CFAP57: variants seen among roughly 807,000 people sequenced by gnomAD.
The protein encoded by CFAP57 is cilia and flagella associated protein 57.
In CFAP57, 116 loss-of-function variants were observed where a neutral mutation model predicts 146.8. The observed-to-expected ratio is 0.79, with a 90% CI of 0.68 to 0.92. The LOEUF is 0.92. CFAP57 is among the 40% of genes least tolerant of loss of function. CFAP57 has a pLI of 0.00. For synonymous variants in CFAP57, 518 were observed against 552.8 expected, an observed-to-expected ratio of 0.94 and a Z score of 0.88; for missense variants, 1,377 against 1,527.2, an observed-to-expected ratio of 0.90 and a Z score of 1.64.
Position 43,253,986 on chromosome 1 carries a change from G to C in CFAP57, c.3548G>C (p.Arg1183Thr), listed in dbSNP as rs1325285681. The change falls in exon 23 of 23, where the codon AGG becomes ACG. Residue 1183 changes from arginine (R) to threonine (T), a missense_variant. Transcript: ENST00000372492. ...CTGTTGTCTCTTACAGAACCCAGCAGGGACATGCTCAGCACAGCTCCCACC... is the reference window on the plus strand; with the variant it reads ...CTGTTGTCTCTTACAGAACCCAGCACGGACATGCTCAGCACAGCTCCCACC... ...PQEVSETEPS[R>T]DMLSTAPTAR... The C allele has an allele frequency of 2.6e-6, 4 of 1,550,572 alleles. No individual in the cohort carries two copies.
In CFAP57 at chr1:43,201,231, A is replaced by G. The variant is rs146950680; in HGVS notation, c.1542+1728A>G. Among the ~76,000 whole-genome samples the G allele has an allele frequency of 1.3e-5, 2 of 152,302 alleles. No individual in the cohort carries two copies. The highest frequency in any genetic ancestry group is 2.4e-5 in the African/African-American group (1 of 41,556). ...ATTGGACAGCAGAGGGAAGACCAAC[A>G]TTTAAGAGACTGGTGAAAGAAGAGG... On this transcript the variant is annotated intron_variant, in intron 9 of 22. Coordinates refer to ENST00000372492, the MANE Select transcript of CFAP57 (RefSeq NM_001378189.1). The surrounding 1 kb of genome is among the most constrained non-coding windows in gnomAD (Gnocchi z 4.4).
Position 43,181,850 on chromosome 1 carries a change from G to A in CFAP57, c.474G>A (p.Gln158=). ...ACACTCAGAACAACCCTGTCTACCA[G>A]GTACCTAGTAGTGTGACAAGTATCG... ...RIDTQNNPVY[Q]VSFSPQDNTQ... is the part of the protein sequence containing the mutation. Residue 158 remains glutamine, a splice_region_variant and synonymous_variant, in exon 3 of 23, where the codon CAG becomes CAA. Transcript: ENST00000372492. The A allele has an allele frequency of 3.7e-6, 6 of 1,614,046 alleles. No homozygotes were observed. Among genetic ancestry groups the A allele is most frequent in the Non-Finnish European group, 5.1e-6 (6 of 1,179,970 alleles).
chr1:43,206,561 C>T (rs960355126), intron 9 of CFAP57, among the ~76,000 whole-genome samples, 159 bp from the exon 10 acceptor site: 3 of 150,720 alleles, frequency 2.0e-5, no homozygotes, highest in African/African-American at 4.9e-5. Flanking sequence ...AGAATGTGAA[C>T]GTTCACAAGA....
rs1408857534 is a variant in CFAP57, at chr1:43,197,635, C to T, written c.1205C>T (p.Pro402Leu). The T allele has an allele frequency of 4.3e-6, 7 of 1,614,130 alleles. No individual in the cohort carries two copies. The highest frequency in any genetic ancestry group is 1.6e-4 in the Middle Eastern group (1 of 6,062). The change falls in exon 7 of 23, where the codon CCC becomes CTC. Residue 402 changes from proline to leucine, a missense_variant. Transcript: ENST00000372492. ...ITGLATCIRK[P>L]LIATCSLDRS... ...GGTCTAGCTACCTGCATCCGCAAAC[C>T]CCTTATAGCCACCTGTTCTCTGGAT...
chr1:43,187,208 C>G (rs1180558934), intron 6 of CFAP57, among the ~76,000 whole-genome samples: 1 of 152,058 alleles, frequency 6.6e-6, no homozygotes, highest in African/African-American at 2.4e-5. Flanking sequence ...GTTTCTTTTT[C>G]CTTTTTACTG....
At chr1:43,205,617 A>G (rs1644326497) in intron 9 of CFAP57, among the ~76,000 whole-genome samples, 1 of 152,158 alleles carries the variant, frequency 6.6e-6, no homozygotes, top group South Asian at 2.1e-4. Context: ...CAGTATGCTG[A>G]GCTTAGAGTG....
Position 43,226,992 on chromosome 1 carries a change from A to G in CFAP57, c.2875A>G (p.Ile959Val), listed in dbSNP as rs1363162407. Reference protein sequence around the residue: ...DETIQDKEKRIYDLKKKNQEL... With the variant: ...DETIQDKEKRVYDLKKKNQEL... ...CTCATCTCACCCCCAGGAGAAGCGAATTTATGATCTGAAAAAGAAAAATCA... is the reference window on the plus strand; with the variant it reads ...CTCATCTCACCCCCAGGAGAAGCGAGTTTATGATCTGAAAAAGAAAAATCA... The change falls in exon 18 of 23, where the codon ATT becomes GTT. Residue 959 changes from isoleucine (I) to valine (V), a missense_variant. Ile to Val is a conservative substitution (Grantham distance 29, BLOSUM62 3). Transcript: ENST00000372492. 9.9e-6 allele frequency: 15 copies of G among 1,516,584 alleles called. No individual in the cohort carries two copies. Among genetic ancestry groups the G allele is most frequent in the Middle Eastern group, 1.7e-4 (1 of 5,816 alleles). 93.9% of individuals were successfully genotyped at this position (1,516,584 alleles called of 1,614,324 possible). A position where few individuals can be genotyped will look rare whatever the true frequency, so the allele number is the denominator to read the frequency against.
intron 9 of CFAP57, among the ~76,000 whole-genome samples, chr1:43,204,102 TCTA>T (rs1644251207): frequency 6.6e-6 from 1 of 152,248 alleles, no homozygotes; most frequent in South Asian, 2.1e-4. Flanking sequence ...CCAGCTCAAA[TCTA>T]CTGTTGAGCC....
At chr1:43,175,601 C>T (rs1433381031) in intron 2 of CFAP57, among the ~76,000 whole-genome samples, 1 of 151,998 alleles carries the variant, frequency 6.6e-6, no homozygotes, top group Non-Finnish European at 1.5e-5. Flanking sequence ...GTCTCAAACT[C>T]CTGGGCTCAA....
chr1:43,172,542 G>A (rs1225690067), intron 1 of CFAP57, 89 bp downstream of exon 1: 3 of 1,192,772 alleles, frequency 2.5e-6, no homozygotes, highest in Non-Finnish European at 3.5e-6. Context: ...GCGGGGGTGG[G>A]GTGGCGCGGA....
At chr1:43,210,869 A>G (rs962450975) in intron 11 of CFAP57, 1 of 152,094 alleles carries the variant, frequency 6.6e-6, no homozygotes, top group African/African-American at 2.4e-5. Context: ...ATAAAAAAGA[A>G]TTATCTTGCA....
Position 43,198,641 on chromosome 1 carries a change from G to T in CFAP57, c.1423G>T (p.Gly475Ter), listed in dbSNP as rs779052991. 9 of 1,602,716 alleles carry T rather than the reference G, an allele frequency of 5.6e-6. No homozygotes were observed. The highest frequency in any genetic ancestry group is 6.8e-6 in the Non-Finnish European group (8 of 1,174,644). ...CAAAGAATACTCTGTTAGAGGATGC[G>T]GAGAGGTAAAAAAAAAACTGCTGAA... The part of the protein sequence containing the change: ...SFKEYSVRGC[G>*]ECSFSNGGHL... Residue 475 changes from glycine to a stop codon, truncating the protein, a stop_gained, in exon 8 of 23, where the codon GGA becomes TGA. Coordinates refer to ENST00000372492, the MANE Select transcript of CFAP57 (RefSeq NM_001378189.1). LOFTEE classifies it high-confidence loss of function.
At position 43,197,437 on chromosome 1, in the gene CFAP57, C is replaced by T. The variant is rs191155067; in HGVS notation, c.1123-116C>T. 91 of 1,255,142 alleles carry T rather than the reference C, an allele frequency of 7.3e-5. No individual in the cohort carries two copies. The African/African-American group carries it at 1.3e-3, about 18-fold the overall frequency. The allele number at this position is 1,255,142 out of a possible 1,614,324, so 77.8% of individuals were successfully genotyped here. On this transcript the variant is annotated intron_variant, in intron 6 of 22. Coordinates refer to ENST00000372492, the MANE Select transcript of CFAP57 (RefSeq NM_001378189.1). ...GCATAATATTCAAACAGTTTAGCCA[C>T]AGCCTGATTTCTGTGCACCCAGGCT...
chr1:43,233,259 G>T (rs1036051518), intron 19 of CFAP57, among the ~76,000 whole-genome samples: 3 of 152,194 alleles, frequency 2.0e-5, no homozygotes, highest in Admixed American at 6.5e-5. Flanking sequence ...GGGAGGCCGA[G>T]GCAGGTGGAT....
In CFAP57 at chr1:43,206,726, T is replaced by C. The variant is rs1644372707; in HGVS notation, c.1549T>C (p.Ser517Pro). ...SLKGHTGKIR[S>P]IVWNADDSKL... ...ATGTCTTCCTCTCCTGCAGATTCGCTCAATTGTGTGGAATGCAGATGATAG... is the reference window on the plus strand; with the variant it reads ...ATGTCTTCCTCTCCTGCAGATTCGCCCAATTGTGTGGAATGCAGATGATAG... Residue 517 changes from serine (S) to proline (P), a missense_variant, in exon 10 of 23, where the codon TCA (serine) becomes CCA (proline). Ser to Pro is a moderately conservative substitution (Grantham distance 74, BLOSUM62 -1). Transcript: ENST00000372492. 1 of 1,613,980 alleles carries C rather than the reference T, an allele frequency of 6.2e-7. No homozygotes were observed. The highest frequency in any genetic ancestry group is 8.5e-7 in the Non-Finnish European group (1 of 1,180,002).
chr1:43,251,284 A>G (rs1429746116), intron 22 of CFAP57, among the ~76,000 whole-genome samples: 1 of 152,238 alleles, frequency 6.6e-6, no homozygotes, highest in African/African-American at 2.4e-5. Flanking sequence ...AGGAGATGGG[A>G]GCTCAGTCTC....
chr1:43,192,391 G>A (rs1461794344), intron 6 of CFAP57, among the ~76,000 whole-genome samples: 1 of 152,148 alleles, frequency 6.6e-6, no homozygotes, highest in Non-Finnish European at 1.5e-5. Context: ...GGAGGCCAAG[G>A]TGGGCAGATC....
At position 43,185,149 on chromosome 1, in the gene CFAP57, C is replaced by A. The variant is rs1642959144; in HGVS notation, c.762C>A (p.Ser254Arg). 1 of 1,613,954 alleles carries A rather than the reference C, an allele frequency of 6.2e-7. No individual in the cohort carries two copies. Among genetic ancestry groups the A allele is most frequent in the African/African-American group, 1.3e-5 (1 of 74,968 alleles). Residue 254 changes from serine (S) to arginine (R), a missense_variant and splice_region_variant, in exon 5 of 23, where the codon AGC becomes AGA. Ser to Arg is a moderately radical substitution (Grantham distance 110). Coordinates refer to ENST00000372492, the MANE Select transcript of CFAP57 (RefSeq NM_001378189.1). ...KSLDVIQESE[S>R]LIEFPPVSSP... is the part of the protein sequence containing the mutation. The stretch of plus-strand genomic sequence containing the variant: ...ATGTATGCTGTTTTTTTGTTTCCAG[C>A]CTGATTGAATTTCCACCAGTCAGTT...
At chr1:43,240,745 T>C (rs1456503096) in intron 21 of CFAP57, among the ~76,000 whole-genome samples, 1 of 152,150 alleles carries the variant, frequency 6.6e-6, no homozygotes, top group East Asian at 1.9e-4. Context: ...ACAGGAAGCA[T>C]GGCACCAGCA....
Sources: gnomAD v4.1 joint callset for allele counts (sites outside exome capture counted in the v4.1 genomes callset) on GRCh38, gnomAD v4.1.1 for gene constraint, Gnocchi (gnomAD v3.1) non-coding constraint, MANE v1.5 for transcripts, NCBI Gene and HGNC (gene_info 2026-07-23, HGNC 2026-07-21) for gene names.